The following RBFOX1 variants were observed in gnomAD, a reference collection of about 807,000 sequenced individuals.
RBFOX1 encodes RNA binding protein fox-1 homolog 1.
In RBFOX1, 8 loss-of-function variants were observed where a neutral mutation model predicts 57.7. That is an observed-to-expected ratio of 0.14 (90% CI 0.08 to 0.25). RBFOX1 has a LOEUF of 0.25. Ranked by LOEUF, RBFOX1 falls within the 10% of genes least tolerant of loss-of-function variation. The probability of loss-of-function intolerance (pLI) is 1.00; values close to 1 mark genes in which losing one functional copy is unlikely to be tolerated. For synonymous variants in RBFOX1, 326 were observed against 222.4 expected (o/e 1.47, Z -4.15); for missense variants, 611 against 548.5 (o/e 1.11, Z -1.14).
chr16:7,291,992 G>GTATT (rs1341619836), intron 4 of RBFOX1, among the ~76,000 whole-genome samples: 2 of 50,294 alleles, frequency 4.0e-5, no homozygotes, highest in African/African-American at 2.1e-4. Flanking sequence ...TAGAATATAT[G>GTATT]ATGTATTATA....
chr16:5,720,453 T>G (rs2342726), intron 3 of RBFOX1, among the ~76,000 whole-genome samples: 6 of 152,212 alleles, frequency 3.9e-5, no homozygotes, highest in African/African-American at 1.2e-4. Context: ...TTAATCGCAA[T>G]GAACCTATTT....
intron 4 of RBFOX1, among the ~76,000 whole-genome samples, chr16:7,256,475 G>A (rs1455576815): frequency 1.3e-5 from 2 of 152,126 alleles, no homozygotes; most frequent in African/African-American, 2.4e-5. Flanking sequence ...TTTCACCAAG[G>A]AGCCTTTTTA....
chr16:6,421,138 A>C (rs952698151), intron 2 of RBFOX1, among the ~76,000 whole-genome samples: 2 of 152,196 alleles, frequency 1.3e-5, no homozygotes, highest in African/African-American at 4.8e-5. Flanking sequence ...CGTGGTGTAA[A>C]CAAGAGAGGC....
intron 4 of RBFOX1, among the ~76,000 whole-genome samples, chr16:7,446,085 G>C (rs982227307): frequency 6.6e-6 from 1 of 152,144 alleles, no homozygotes; most frequent in Non-Finnish European, 1.5e-5. Context: ...TGAGATCTGG[G>C]TTAACTGGGA....
intron 4 of RBFOX1, among the ~76,000 whole-genome samples, chr16:7,230,304 G>A (rs974466699): frequency 2.0e-5 from 3 of 152,126 alleles, no homozygotes; most frequent in Non-Finnish European, 4.4e-5. Context: ...TAGTGGACAA[G>A]GCAAAACATC....
At chr16:6,872,727 C>G (rs2061155219) in intron 3 of RBFOX1, among the ~76,000 whole-genome samples, 1 of 152,216 alleles carries the variant, frequency 6.6e-6, no homozygotes, top group African/African-American at 2.4e-5. Flanking sequence ...GTCTCAAAAC[C>G]TGTGTTTTTT....
chr16:7,183,028 G>A lies in RBFOX1; in HGVS notation c.27+130930G>A, dbSNP rs560150086. On this transcript the variant is annotated intron_variant, in intron 4 of 15. Transcript: ENST00000550418. ...TTAGAACAATGCCTGACACATAATG[G>A]GCACACAACAATATTTTTGCTTAAA... 2.4e-4 allele frequency among the ~76,000 whole-genome samples: 37 copies of A among 152,176 alleles called. No individual in the cohort carries two copies. The South Asian group carries it at 7.3e-3, about 30-fold the overall frequency.
intron 4 of RBFOX1, among the ~76,000 whole-genome samples, chr16:7,159,736 G>C (rs980279516): frequency 2.0e-4 from 31 of 152,152 alleles, no homozygotes; most frequent in African/African-American, 7.0e-4. Context: ...AGCCTGACAA[G>C]ACCCAGAAAT....
intron 3 of RBFOX1, among the ~76,000 whole-genome samples, chr16:5,630,381 C>T (rs1369284696): frequency 2.6e-5 from 4 of 151,908 alleles, no homozygotes; most frequent in Admixed American, 6.6e-5. Context: ...CGTTTGAACC[C>T]GGGAGGTGGA....
At chr16:6,266,653 G>A (rs796488720) in intron 1 of RBFOX1, among the ~76,000 whole-genome samples, 30 of 151,948 alleles carry the variant, frequency 2.0e-4, no homozygotes, top group African/African-American at 5.8e-4. Flanking sequence ...GGCGAAGGTT[G>A]CAGTGAGCTG....
At chr16:5,667,852 A>C (rs1266188587) in intron 3 of RBFOX1, among the ~76,000 whole-genome samples, 4 of 152,298 alleles carry the variant, frequency 2.6e-5, no homozygotes, top group Non-Finnish European at 5.9e-5. Context: ...GAGACTTTAT[A>C]GTGAAGTGGG....
intron 11 of RBFOX1, among the ~76,000 whole-genome samples, chr16:7,651,225 C>G (rs377561048): frequency 1.3e-5 from 2 of 152,200 alleles, no homozygotes; most frequent in African/African-American, 4.8e-5. Context: ...TAAGAACACA[C>G]AGAATTCCAG....
chr16:5,629,341 A>G (rs776793197), intron 3 of RBFOX1, among the ~76,000 whole-genome samples: 2 of 152,196 alleles, frequency 1.3e-5, no homozygotes, highest in African/African-American at 4.8e-5. Context: ...ACAGCAGCTA[A>G]CAAGAGCAGA....
intron 2 of RBFOX1, among the ~76,000 whole-genome samples, chr16:6,515,591 C>G (rs1035502134): frequency 6.6e-6 from 1 of 152,142 alleles, no homozygotes; most frequent in Non-Finnish European, 1.5e-5. Flanking sequence ...TCTAAAGAAG[C>G]CTTTTTATGG....
intron 3 of RBFOX1, among the ~76,000 whole-genome samples, chr16:6,941,837 CCTAA>C (rs1021504434): frequency 3.3e-5 from 5 of 152,000 alleles, no homozygotes; most frequent in South Asian, 2.1e-4. Context: ...TTTTTTTCCC[CCTAA>C]CTCTTTCCCA....
chr16:6,175,473 T>A (rs573299809), intron 1 of RBFOX1, among the ~76,000 whole-genome samples: 1 of 151,836 alleles, frequency 6.6e-6, no homozygotes, highest in African/African-American at 2.4e-5. Flanking sequence ...TGGTCCCAGA[T>A]GTGTTTGACC....
chr16:5,944,923 G>A (rs1214625432), intron 4 of RBFOX1, among the ~76,000 whole-genome samples: 20 of 131,108 alleles, frequency 1.5e-4, no homozygotes, highest in African/African-American at 4.4e-4. Flanking sequence ...CTGAGTTTGC[G>A]CCACTGCACT....
At chr16:7,375,762 C>T (rs922388960) in intron 4 of RBFOX1, among the ~76,000 whole-genome samples, 1 of 152,040 alleles carries the variant, frequency 6.6e-6, no homozygotes, top group Non-Finnish European at 1.5e-5. Context: ...TTTCTGGGTT[C>T]CTTTCCTACT....
chr16:5,973,263 G>A (rs552863896), intron 4 of RBFOX1, among the ~76,000 whole-genome samples: 7 of 152,316 alleles, frequency 4.6e-5, no homozygotes, highest in Middle Eastern at 3.4e-3. Context: ...TCTAAGGTGT[G>A]ATATATACAT....
Sources: gnomAD v4.1 joint callset for allele counts (sites outside exome capture counted in the v4.1 genomes callset) on GRCh38, gnomAD v4.1.1 for gene constraint, MANE v1.5 for transcripts, NCBI Gene and HGNC (gene_info 2026-07-23, HGNC 2026-07-21) for gene names.